Variants in TRPC4AP observed in about 807,000 individuals in gnomAD.
The protein encoded by TRPC4AP is short transient receptor potential channel 4-associated protein.
In TRPC4AP, 45 loss-of-function variants were observed where a neutral mutation model predicts 99.0. The observed-to-expected ratio is 0.45, with a 90% CI of 0.36 to 0.58. TRPC4AP has a LOEUF of 0.58. TRPC4AP is among the 20% of genes least tolerant of loss of function. TRPC4AP has a pLI of 0.00. For synonymous variants in TRPC4AP, 408 were observed against 385.8 expected (o/e 1.06, Z -0.67); for missense variants, 879 against 985.3 (o/e 0.89, Z 1.44).
At chr20:35,025,576 A>G (rs1324113449) in intron 8 of TRPC4AP, among the ~76,000 whole-genome samples, 1 of 152,142 alleles carries the variant, frequency 6.6e-6, no homozygotes, top group Non-Finnish European at 1.5e-5. Flanking sequence ...ACATCTATTC[A>G]GATCCTTTGT....
At chr20:35,081,046 T>C (rs970500550) in intron 1 of TRPC4AP, among the ~76,000 whole-genome samples, 72 of 152,120 alleles carry the variant, frequency 4.7e-4, no homozygotes, top group Non-Finnish European at 8.5e-4. Flanking sequence ...TAAATTTTAT[T>C]GTATATAAAT....
At chr20:35,026,926 T>G (rs1600538794) in intron 8 of TRPC4AP, among the ~76,000 whole-genome samples, 1 of 152,230 alleles carries the variant, frequency 6.6e-6, no homozygotes, top group East Asian at 1.9e-4. Flanking sequence ...GTTGAACCTA[T>G]TTATTAGTTT....
intron 1 of TRPC4AP, among the ~76,000 whole-genome samples, chr20:35,082,003 A>AAAC (rs753212891): frequency 3.9e-5 from 6 of 152,074 alleles, no homozygotes; most frequent in Non-Finnish European, 7.4e-5. Context: ...AACAAAACAA[A>AAAC]AACAACAACA....
At chr20:35,091,753 G>A (rs2085074028) in intron 1 of TRPC4AP, among the ~76,000 whole-genome samples, 1 of 152,156 alleles carries the variant, frequency 6.6e-6, no homozygotes, top group Non-Finnish European at 1.5e-5. Flanking sequence ...TAAGTCAGAT[G>A]CTTAATATTA....
At chr20:35,082,631 C>G (rs1289727560) in intron 1 of TRPC4AP, among the ~76,000 whole-genome samples, 1 of 152,092 alleles carries the variant, frequency 6.6e-6, no homozygotes, top group Non-Finnish European at 1.5e-5. Context: ...AGGCCAGTTT[C>G]ACTAACGACG....
In TRPC4AP at chr20:35,019,085, T is replaced by C. The variant is rs754870614; in HGVS notation, c.1218+2105A>G. On this transcript the variant is annotated intron_variant, in intron 9 of 18. Coordinates refer to ENST00000252015, the MANE Select transcript of TRPC4AP (RefSeq NM_015638.3). The stretch of plus-strand genomic sequence containing the variant: ...TTTGGCCAAGATTGGTCTGAGAACT[T>C]GGCCCAACTGCTCATTAACGAGGAG... Among the ~76,000 whole-genome samples, 90 of 152,184 alleles carry C rather than the reference T, an allele frequency of 5.9e-4. 1 individual carries two copies. The highest frequency in any genetic ancestry group is 7.2e-4 in the Admixed American group (11 of 15,284).
intron 10 of TRPC4AP, among the ~76,000 whole-genome samples, chr20:35,014,860 G>A (rs1299902273): frequency 6.6e-6 from 1 of 152,122 alleles, no homozygotes. Context: ...TCCTTCTTTT[G>A]CAAGAAAACA....
intron 8 of TRPC4AP, among the ~76,000 whole-genome samples, chr20:35,024,038 C>T (rs773083786): frequency 3.9e-5 from 6 of 152,168 alleles, no homozygotes; most frequent in African/African-American, 7.2e-5. Context: ...GAGGCCTGTG[C>T]TCCCCTGAGT....
chr20:35,056,689 T>C (rs1259462817), intron 4 of TRPC4AP, among the ~76,000 whole-genome samples: 1 of 151,896 alleles, frequency 6.6e-6, no homozygotes, highest in Non-Finnish European at 1.5e-5. Context: ...TATTTTAAAT[T>C]AAATACCGAA....
At chr20:35,019,667 C>T (rs535777428) in intron 9 of TRPC4AP, among the ~76,000 whole-genome samples, 1 of 152,208 alleles carries the variant, frequency 6.6e-6, no homozygotes, top group South Asian at 2.1e-4. Flanking sequence ...TAAGCAACTG[C>T]GAAAGTGCCT....
At chr20:35,038,968 G>T (rs181745601) in intron 7 of TRPC4AP, among the ~76,000 whole-genome samples, 35 of 152,298 alleles carry the variant, frequency 2.3e-4, no homozygotes, top group African/African-American at 8.4e-4. Context: ...CAGCTACTTC[G>T]CAGACTGAGG....
intron 13 of TRPC4AP, 83 bp downstream of exon 13, chr20:35,008,581 C>T: frequency 8.3e-7 from 1 of 1,207,342 alleles, no homozygotes; most frequent in Non-Finnish European, 1.2e-6. Context: ...ACGCTGGTGA[C>T]TAAAGGAGGT....
At chr20:35,069,922 C>T (rs1478277158) in intron 2 of TRPC4AP, among the ~76,000 whole-genome samples, 1 of 152,104 alleles carries the variant, frequency 6.6e-6, no homozygotes, top group Non-Finnish European at 1.5e-5. Flanking sequence ...GCCTCGGCAA[C>T]AGAGGGAGAC....
At chr20:35,047,254 T>C (rs1194770485) in intron 6 of TRPC4AP, among the ~76,000 whole-genome samples, 1 of 152,234 alleles carries the variant, frequency 6.6e-6, no homozygotes, top group Non-Finnish European at 1.5e-5. Flanking sequence ...GCCTTTCCTA[T>C]TGCATCTCTC....
At chr20:35,032,467 C>CTTTTTTT (rs35808832) in intron 8 of TRPC4AP, among the ~76,000 whole-genome samples, 25 of 95,224 alleles carry the variant, frequency 2.6e-4, no homozygotes, top group East Asian at 6.7e-4. Context: ...GTTCTTTGAT[C>CTTTTTTT]TTTTTTTTTT....
At position 35,006,448 on chromosome 20, in the gene TRPC4AP, T is replaced by C. The variant is rs1485124636; in HGVS notation, c.1814A>G (p.Asn605Ser). 1.9e-6 allele frequency: 3 copies of C among 1,614,054 alleles called. No homozygotes were observed. Among genetic ancestry groups the C allele is most frequent in the Non-Finnish European group, 2.5e-6 (3 of 1,180,036 alleles). ...GGTTAACTTTACCTTTGCATCGGTG[T>C]TGATATATTTATTGAATCTCTTGAA... ...DAFKRFNKYI[N>S]TDAKFQVFLK... Residue 605 changes from asparagine (N) to serine (S), a missense_variant, in exon 15 of 19, where the codon AAC (asparagine) becomes AGC (serine). By Grantham distance (46) the Asn-to-Ser change is conservative. This residue lies in a region of TRPC4AP where 224 missense variants were observed against 264.7 expected (regional missense o/e 0.85). Transcript: ENST00000252015.
At position 35,062,467 on chromosome 20, in the gene TRPC4AP, T is replaced by C. The variant is rs563945958; in HGVS notation, c.415-4896A>G. On this transcript the variant is annotated intron_variant, in intron 3 of 18. Coordinates refer to ENST00000252015, the MANE Select transcript of TRPC4AP (RefSeq NM_015638.3). ...TGATGAATGGATAAATAAGATGTGG[T>C]CTATCCATACAGTGGAATATTTCTT... 2.9e-4 allele frequency among the ~76,000 whole-genome samples: 44 copies of C among 152,324 alleles called. No homozygotes were observed. In the South Asian group the frequency reaches 7.0e-3, roughly 24 times the overall value.
chr20:35,042,880 T>C (rs2083472103), intron 7 of TRPC4AP, among the ~76,000 whole-genome samples: 1 of 152,208 alleles, frequency 6.6e-6, no homozygotes, highest in Non-Finnish European at 1.5e-5. Context: ...TATATGAAAG[T>C]ATACAGTAAG....
chr20:35,005,522 T>G (rs745674492), intron 16 of TRPC4AP, among the ~76,000 whole-genome samples, 173 bp downstream of exon 16: 7 of 152,204 alleles, frequency 4.6e-5, no homozygotes, highest in Non-Finnish European at 1.0e-4. Context: ...CTTATTAAAG[T>G]GTTGAACAAG....
Sources: gnomAD v4.1 joint callset for allele counts (sites outside exome capture counted in the v4.1 genomes callset) on GRCh38, gnomAD v4.1.1 for gene constraint, gnomAD v4.1.1 regional missense constraint, MANE v1.5 for transcripts, NCBI Gene and HGNC (gene_info 2026-07-23, HGNC 2026-07-21) for gene names.